KCNIP4: variants seen among roughly 807,000 people sequenced by gnomAD.
KCNIP4 encodes potassium voltage-gated channel interacting protein 4, also known as Kv channel-interacting protein 4.
In KCNIP4, 12 loss-of-function variants were observed where a neutral mutation model predicts 34.0. The observed-to-expected ratio is 0.35, with a 90% confidence interval of 0.23 to 0.57. The LOEUF (loss-of-function observed/expected upper bound fraction) is 0.57. KCNIP4 is among the 20% of genes least tolerant of loss of function. KCNIP4 has a pLI of 0.83. For synonymous variants in KCNIP4, 124 were observed against 102.2 expected (o/e 1.21, Z -1.29); for missense variants, 238 against 311.7 (o/e 0.76, Z 1.78).
intron 1 of KCNIP4, among the ~76,000 whole-genome samples, chr4:20,994,775 T>C (rs1737396654): frequency 6.6e-6 from 1 of 152,192 alleles, no homozygotes; most frequent in African/African-American, 2.4e-5. Flanking sequence ...CTTCTTAGGA[T>C]GGATAAAACC....
intron 1 of KCNIP4, among the ~76,000 whole-genome samples, chr4:21,267,295 G>A (rs1247152032): frequency 1.3e-5 from 2 of 151,616 alleles, no homozygotes; most frequent in Non-Finnish European, 2.9e-5. Context: ...ATTCTCTCAT[G>A]ACAATAATAC....
intron 1 of KCNIP4, among the ~76,000 whole-genome samples, chr4:21,180,382 A>G (rs1327072186): frequency 1.3e-5 from 2 of 152,170 alleles, no homozygotes; most frequent in Non-Finnish European, 2.9e-5. Context: ...ATAGATATAA[A>G]TATCTGTATC....
At chr4:21,477,994 T>A (rs10516385) in intron 1 of KCNIP4, among the ~76,000 whole-genome samples, 19,031 of 152,266 alleles carry the variant, frequency 0.12, 1,360 homozygotes, top group South Asian at 0.21. Context: ...CTTCAATGTA[T>A]CTAGCCTGTT....
intron 1 of KCNIP4, among the ~76,000 whole-genome samples, chr4:21,081,315 T>C (rs1745983171): frequency 6.6e-6 from 1 of 151,846 alleles, no homozygotes; most frequent in Admixed American, 6.6e-5. Flanking sequence ...ACCATAGAAA[T>C]AAATGTATTA....
At chr4:21,078,958 T>A (rs1745761394) in intron 1 of KCNIP4, among the ~76,000 whole-genome samples, 1 of 152,096 alleles carries the variant, frequency 6.6e-6, no homozygotes, top group Admixed American at 6.6e-5. Context: ...ACTCCATGCT[T>A]TACATCTGTA....
intron 1 of KCNIP4, among the ~76,000 whole-genome samples, chr4:21,387,125 G>C (rs983403526): frequency 6.6e-6 from 1 of 152,152 alleles, no homozygotes; most frequent in African/African-American, 2.4e-5. Context: ...GAGAAGGAAA[G>C]GAAGGAATAT....
intron 2 of KCNIP4, 26 bp from the exon 3 acceptor site, chr4:20,850,693 T>C: frequency 6.2e-7 from 1 of 1,607,520 alleles, no homozygotes; most frequent in Non-Finnish European, 8.5e-7. Flanking sequence ...AGAAAGAGTC[T>C]TAGGACCAGC....
intron 1 of KCNIP4, among the ~76,000 whole-genome samples, chr4:21,687,063 G>C (rs528531409): frequency 1.4e-5 from 2 of 144,304 alleles, no homozygotes; most frequent in Middle Eastern, 3.3e-3. Context: ...GTAAACTATC[G>C]CAAGAACAAA....
chr4:21,093,881 G>C (rs1198831931), intron 1 of KCNIP4, among the ~76,000 whole-genome samples: 2 of 152,084 alleles, frequency 1.3e-5, no homozygotes. Context: ...AGGAGATCGA[G>C]ACCATCCTGA....
At chr4:21,078,131 G>T (rs4345177) in intron 1 of KCNIP4, among the ~76,000 whole-genome samples, 1 of 151,986 alleles carries the variant, frequency 6.6e-6, no homozygotes. Flanking sequence ...GTAAAATGAT[G>T]ACACATATTA....
rs1553888009 is a variant in KCNIP4 at position 21,470,835 on chromosome 4, A to AT, written c.61+477735_61+477736insA. Among the ~76,000 whole-genome samples the AT allele has an allele frequency of 4.0e-5, 6 of 150,978 alleles. No individual in the cohort carries two copies. The East Asian group carries it at 7.7e-4, about 19-fold the overall frequency. ...GTTGATAATTTAACAAAAAAAAAAAAGTCCTCTTTGAAAACCTAAAATCAT... is the reference window on the plus strand; with the variant it reads ...GTTGATAATTTAACAAAAAAAAAAAATGTCCTCTTTGAAAACCTAAAATCAT... On this transcript the variant is annotated intron_variant, in intron 1 of 8. Coordinates refer to ENST00000382152, the MANE Select transcript of KCNIP4 (RefSeq NM_025221.6).
chr4:21,918,219 T>C (rs1728744488), intron 1 of KCNIP4, among the ~76,000 whole-genome samples: 1 of 152,152 alleles, frequency 6.6e-6, no homozygotes, highest in Middle Eastern at 3.2e-3. Context: ...AGAGTGAAAC[T>C]AAAAATAATG....
chr4:21,352,483 C>G (rs547948821), intron 1 of KCNIP4, among the ~76,000 whole-genome samples: 17 of 152,344 alleles, frequency 1.1e-4, no homozygotes, highest in African/African-American at 4.1e-4. Context: ...TCTCCTGTGC[C>G]TGGCTCAGTG....
chr4:21,127,522 A>T (rs1425737462), intron 1 of KCNIP4, among the ~76,000 whole-genome samples: 1 of 151,800 alleles, frequency 6.6e-6, no homozygotes, highest in Non-Finnish European at 1.5e-5. Context: ...GACTCTCCGC[A>T]CTCTCCCCAA....
intron 1 of KCNIP4, among the ~76,000 whole-genome samples, chr4:20,986,776 C>A (rs1472413002): frequency 1.3e-5 from 2 of 152,142 alleles, no homozygotes; most frequent in Non-Finnish European, 2.9e-5. Context: ...AAATTCCTAT[C>A]TTTTTTGAAA....
intron 1 of KCNIP4, among the ~76,000 whole-genome samples, chr4:21,211,491 C>T (rs1342330127): frequency 6.6e-6 from 1 of 152,098 alleles, no homozygotes; most frequent in Non-Finnish European, 1.5e-5. Flanking sequence ...TTGCATGCTC[C>T]TTATGAGAAT....
intron 2 of KCNIP4, among the ~76,000 whole-genome samples, chr4:20,878,683 G>A (rs902678163): frequency 3.9e-5 from 6 of 152,104 alleles, no homozygotes; most frequent in African/African-American, 4.8e-5. Context: ...ACCAAATAAC[G>A]AAATTAAGAG....
chr4:20,936,668 A>G (rs1731098297), intron 1 of KCNIP4, among the ~76,000 whole-genome samples: 1 of 152,078 alleles, frequency 6.6e-6, no homozygotes. Context: ...TCATCCCTTC[A>G]TTCTCCTGTA....
intron 2 of KCNIP4, 99 bp from the exon 3 acceptor site, chr4:20,850,766 C>A (rs1464139398): frequency 1.4e-6 from 2 of 1,389,468 alleles, no homozygotes; most frequent in African/African-American, 2.9e-5. Flanking sequence ...CTGCTAATGT[C>A]TGTGACTGTC....
Sources: gnomAD v4.1 joint callset for allele counts (sites outside exome capture counted in the v4.1 genomes callset) on GRCh38, gnomAD v4.1.1 for gene constraint, MANE v1.5 for transcripts, NCBI Gene and HGNC (gene_info 2026-07-23, HGNC 2026-07-21) for gene names.